ABI3BP: variants seen among roughly 807,000 people sequenced by gnomAD.
ABI3BP encodes target of Nesh-SH3.
Under a neutral mutation model 268.6 loss-of-function variants are expected in ABI3BP, and 216 were observed. The observed-to-expected ratio is 0.80, with a 90% confidence interval of 0.72 to 0.90. The LOEUF is 0.90. Among genes scored for constraint, ABI3BP ranks in the 40% least tolerant of loss-of-function variants. The pLI is 0.00. For missense variants in ABI3BP, 2,090 were observed against 2,182.4 expected, an observed-to-expected ratio of 0.96 and a Z score of 0.84; for synonymous variants, 730 against 730.0, an observed-to-expected ratio of 1.00 and a Z score of 0.00.
rs189874621 is a variant in ABI3BP at position 100,938,160 on chromosome 3, G to A, written c.80-11679C>T. Among the ~76,000 whole-genome samples, 61 of 152,124 alleles carry A rather than the reference G, an allele frequency of 4.0e-4. 1 individual carries two copies. In the East Asian group the frequency reaches 0.012, roughly 29 times the overall value. ...ATGCCTACTTGAAGAAGGAGGATGG[G>A]AGGAGGGAGAGGATCAGAAAAAATA... On this transcript the variant is annotated intron_variant, in intron 1 of 67. Transcript: ENST00000471714.
chr3:100,969,966 T>A (rs1266003662), intron 1 of ABI3BP, among the ~76,000 whole-genome samples: 2 of 152,178 alleles, frequency 1.3e-5, no homozygotes, highest in Non-Finnish European at 2.9e-5. Flanking sequence ...ATTTACAAAT[T>A]TCATGTTACA....
intron 63 of ABI3BP, among the ~76,000 whole-genome samples, chr3:100,765,227 T>C (rs2149691218): frequency 6.6e-6 from 1 of 152,130 alleles, no homozygotes; most frequent in Admixed American, 6.5e-5. Flanking sequence ...GAAAAAAGAA[T>C]CACAAAACTG....
rs145292568 is a variant in ABI3BP, at chr3:100,970,653, C to T, written c.79+22653G>A. On this transcript the variant is annotated intron_variant, in intron 1 of 67. Transcript: ENST00000471714. ...CAGGCTTGAGGAGGAGGACGAAAGG[C>T]GGTCAAGTGGCAGCACGAGTTCCTG... Among the ~76,000 whole-genome samples the T allele has an allele frequency of 1.1e-3, 166 of 152,302 alleles. 2 individuals are homozygous for T. In the East Asian group the frequency reaches 0.025, roughly 23 times the overall value.
intron 57 of ABI3BP, among the ~76,000 whole-genome samples, chr3:100,781,434 T>C (rs1301703458): frequency 6.6e-6 from 1 of 152,142 alleles, no homozygotes. Context: ...TTAAACTTAT[T>C]TGTGATAGGA....
At chr3:100,987,140 T>C (rs2092008227) in intron 1 of ABI3BP, among the ~76,000 whole-genome samples, 1 of 152,194 alleles carries the variant, frequency 6.6e-6, no homozygotes, top group Non-Finnish European at 1.5e-5. Context: ...TGTTTATACC[T>C]ACTGTTATAA....
chr3:100,895,054 G>C (rs73137276), intron 4 of ABI3BP, among the ~76,000 whole-genome samples: 15,206 of 148,922 alleles, frequency 0.1, 1,055 homozygotes, highest in Non-Finnish European at 0.15. Flanking sequence ...GCTGGCAAAA[G>C]AGTGAGAACT....
At chr3:100,811,325 G>T in intron 47 of ABI3BP, 48 bp from the exon 48 acceptor site, 1 of 1,365,932 alleles carries the variant, frequency 7.3e-7, no homozygotes, top group Non-Finnish European at 9.9e-7. Flanking sequence ...AAGATATTAA[G>T]CTATAGCATT....
At chr3:100,959,758 T>C (rs1448961286) in intron 1 of ABI3BP, among the ~76,000 whole-genome samples, 1 of 152,088 alleles carries the variant, frequency 6.6e-6, no homozygotes, top group Non-Finnish European at 1.5e-5. Context: ...GCTAGAGAAA[T>C]TTGAGGCCTG....
rs764780321 is a variant in ABI3BP at position 100,808,160 on chromosome 3, C to A, written c.3682+1G>T. The A allele has an allele frequency of 6.2e-7, 1 of 1,610,154 alleles. No homozygotes were observed. Among genetic ancestry groups the A allele is most frequent in the Non-Finnish European group, 8.5e-7 (1 of 1,177,710 alleles). On this transcript the variant is annotated splice_donor_variant, in intron 50 of 67. Coordinates refer to ENST00000471714, the MANE Select transcript of ABI3BP (RefSeq NM_001375547.2). LOFTEE classifies it high-confidence loss of function. The stretch of plus-strand genomic sequence containing the variant: ...AGCTAAAATGTAAAATATATATTTA[C>A]CTGGTTGTGTTTGTGGGATTCTTGG...
chr3:100,956,927 T>A (rs1346934788), intron 1 of ABI3BP, among the ~76,000 whole-genome samples: 1 of 152,090 alleles, frequency 6.6e-6, no homozygotes, highest in Admixed American at 6.5e-5. Flanking sequence ...CAGGAAGAGG[T>A]GAAGCTAGAG....
intron 1 of ABI3BP, among the ~76,000 whole-genome samples, chr3:100,934,265 G>A (rs916874972): frequency 1.3e-5 from 2 of 151,952 alleles, no homozygotes; most frequent in Non-Finnish European, 2.9e-5. Context: ...AGTTCGTTGA[G>A]AATGATGGTT....
chr3:100,807,515 A>G (rs1310911434), intron 50 of ABI3BP, among the ~76,000 whole-genome samples: 1 of 151,954 alleles, frequency 6.6e-6, no homozygotes, highest in Non-Finnish European at 1.5e-5. Flanking sequence ...GATAGGTAAA[A>G]TTTCCCTCAA....
intron 63 of ABI3BP, among the ~76,000 whole-genome samples, chr3:100,763,990 C>A (rs1411543461): frequency 3.3e-5 from 5 of 152,344 alleles, no homozygotes; most frequent in Non-Finnish European, 7.3e-5. Context: ...ATCTCCTGAT[C>A]TGGCTTATAA....
intron 56 of ABI3BP, among the ~76,000 whole-genome samples, chr3:100,789,248 G>A (rs2097132894): frequency 6.6e-6 from 1 of 151,974 alleles, no homozygotes; most frequent in Non-Finnish European, 1.5e-5. Flanking sequence ...AGTGATCTCT[G>A]CATCTGATTA....
chr3:100,916,039 T>G (rs1234103646), intron 2 of ABI3BP, among the ~76,000 whole-genome samples: 2 of 152,258 alleles, frequency 1.3e-5, no homozygotes, highest in Non-Finnish European at 2.9e-5. Context: ...AGTTTTTTCC[T>G]TGCCCGTGTT....
intron 15 of ABI3BP, 117 bp downstream of exon 15, chr3:100,851,758 T>C: frequency 1.2e-6 from 1 of 801,638 alleles, no homozygotes; most frequent in Non-Finnish European, 2.0e-6. Flanking sequence ...CAGGTAGAAA[T>C]TTCTCCCATG....
intron 57 of ABI3BP, among the ~76,000 whole-genome samples, chr3:100,787,258 A>G (rs1392987168): frequency 6.6e-6 from 1 of 152,180 alleles, no homozygotes; most frequent in Non-Finnish European, 1.5e-5. Context: ...GGGTAACCAG[A>G]TGCGAATTGC....
At chr3:100,974,937 C>A (rs935010938) in intron 1 of ABI3BP, among the ~76,000 whole-genome samples, 1 of 152,270 alleles carries the variant, frequency 6.6e-6, no homozygotes, top group East Asian at 1.9e-4. Context: ...GCCCAAGATG[C>A]TGTTTGAGAT....
chr3:100,834,582 C>T, intron 29 of ABI3BP, 102 bp downstream of exon 29: 2 of 1,082,928 alleles, frequency 1.8e-6, no homozygotes, highest in Middle Eastern at 2.1e-4. Flanking sequence ...CTTGGGCCTT[C>T]ACCCCAAGGG....
Sources: gnomAD v4.1 joint callset for allele counts (sites outside exome capture counted in the v4.1 genomes callset) on GRCh38, gnomAD v4.1.1 for gene constraint, MANE v1.5 for transcripts, NCBI Gene and HGNC (gene_info 2026-07-23, HGNC 2026-07-21) for gene names.